The following KCNAB1 variants were observed in gnomAD, a reference collection of about 807,000 sequenced individuals.
The protein encoded by KCNAB1 is voltage-gated potassium channel subunit beta-1.
A neutral mutation model predicts 64.6 loss-of-function variants in KCNAB1; 35 were observed. The observed-to-expected ratio is 0.54, with a 90% CI of 0.41 to 0.72. The LOEUF (loss-of-function observed/expected upper bound fraction) is 0.72, where lower values mean the gene tolerates loss of function less well. Among genes scored for constraint, KCNAB1 ranks in the 30% least tolerant of loss-of-function variants. The pLI, the probability that KCNAB1 is intolerant of heterozygous loss-of-function variation, is 0.00. For synonymous variants in KCNAB1, 177 were observed against 183.8 expected (o/e 0.96, Z 0.30); for missense variants, 401 against 512.9 (o/e 0.78, Z 2.11).
chr3:156,370,716 A>G (rs1282220753), intron 1 of KCNAB1, among the ~76,000 whole-genome samples: 2 of 152,330 alleles, frequency 1.3e-5, no homozygotes, highest in Middle Eastern at 3.4e-3. Flanking sequence ...GTTGTGCCGA[A>G]CTTCTGTTAA....
chr3:156,528,061 C>T (rs1307366002), intron 12 of KCNAB1, among the ~76,000 whole-genome samples: 2 of 152,032 alleles, frequency 1.3e-5, no homozygotes, highest in Non-Finnish European at 1.5e-5. Flanking sequence ...CTGTTGGTGA[C>T]CTCGAGTAGT....
intron 1 of KCNAB1, among the ~76,000 whole-genome samples, chr3:156,300,205 A>G (rs1721058923): frequency 6.6e-6 from 1 of 151,134 alleles, no homozygotes; most frequent in Non-Finnish European, 1.5e-5. Flanking sequence ...CATCCAAGGT[A>G]AAAAAAAATA....
At chr3:156,354,069 G>T (rs1394594262) in intron 1 of KCNAB1, among the ~76,000 whole-genome samples, 1 of 146,178 alleles carries the variant, frequency 6.8e-6, no homozygotes, top group Non-Finnish European at 1.5e-5. Context: ...GTGTGTGTGT[G>T]TGTGTATATA....
At chr3:156,298,670 C>T (rs1242177695) in intron 1 of KCNAB1, among the ~76,000 whole-genome samples, 2 of 152,122 alleles carry the variant, frequency 1.3e-5, no homozygotes, top group East Asian at 1.9e-4. Context: ...ATATAGGACT[C>T]TTAATTTATT....
intron 1 of KCNAB1, among the ~76,000 whole-genome samples, chr3:156,127,169 G>A (rs527376184): frequency 6.6e-6 from 1 of 152,322 alleles, no homozygotes; most frequent in East Asian, 1.9e-4. Flanking sequence ...ATAGTGGACA[G>A]CATCAGTAAG....
intron 1 of KCNAB1, chr3:156,176,803 G>T: frequency 1.1e-6 from 1 of 878,290 alleles, no homozygotes; most frequent in Non-Finnish European, 1.9e-6. Flanking sequence ...GCCTGCTGCT[G>T]CCCGGCTCCA....
At chr3:156,170,217 A>T (rs910490317) in intron 1 of KCNAB1, among the ~76,000 whole-genome samples, 1 of 150,994 alleles carries the variant, frequency 6.6e-6, no homozygotes. Flanking sequence ...CTTCCCAAGG[A>T]ATCGTTTTTT....
intron 1 of KCNAB1, among the ~76,000 whole-genome samples, chr3:156,250,972 TAA>T (rs1270278880): frequency 6.6e-6 from 1 of 152,244 alleles, no homozygotes; most frequent in Non-Finnish European, 1.5e-5. Context: ...AGGATTTTCT[TAA>T]GTCAACTTTA....
At chr3:156,443,564 G>T (rs1275647942) in intron 2 of KCNAB1, among the ~76,000 whole-genome samples, 3 of 152,050 alleles carry the variant, frequency 2.0e-5, no homozygotes, top group Non-Finnish European at 2.9e-5. Context: ...GTTGTGATAG[G>T]GATTAGAGCT....
intron 1 of KCNAB1, among the ~76,000 whole-genome samples, chr3:156,255,666 ATCTG>A (rs746244556): frequency 2.6e-5 from 4 of 151,968 alleles, no homozygotes; most frequent in Non-Finnish European, 5.9e-5. Flanking sequence ...TCCTTGTTTT[ATCTG>A]TCTAACAATG....
intron 8 of KCNAB1, among the ~76,000 whole-genome samples, chr3:156,477,870 T>C (rs1453371064): frequency 1.3e-5 from 2 of 152,140 alleles, no homozygotes; most frequent in African/African-American, 4.8e-5. Flanking sequence ...GGTGCCTGTG[T>C]TAGTTCTGGA....
intron 7 of KCNAB1, among the ~76,000 whole-genome samples, chr3:156,468,849 T>TC (rs1262639056): frequency 3.9e-5 from 6 of 152,182 alleles, no homozygotes; most frequent in Non-Finnish European, 8.8e-5. Context: ...GGCCTTAGTG[T>TC]CCCATTTGAC....
At chr3:156,132,468 A>G (rs934650352) in intron 1 of KCNAB1, among the ~76,000 whole-genome samples, 1 of 152,148 alleles carries the variant, frequency 6.6e-6, no homozygotes, top group Non-Finnish European at 1.5e-5. Flanking sequence ...TTACGGCTGG[A>G]TGAGGCTCTT....
chr3:156,333,941 G>T (rs751558619), intron 1 of KCNAB1, among the ~76,000 whole-genome samples: 1 of 131,086 alleles, frequency 7.6e-6, no homozygotes, highest in Admixed American at 7.1e-5. Flanking sequence ...ATGTGTTTGC[G>T]CTCTTTATAA....
intron 1 of KCNAB1, among the ~76,000 whole-genome samples, chr3:156,200,324 T>C (rs1453754315): frequency 3.9e-5 from 6 of 152,226 alleles, no homozygotes; most frequent in Admixed American, 3.9e-4. Context: ...GATGAGGCAG[T>C]CTGTGCCTTA....
chr3:156,418,539 A>G (rs1169664248), intron 1 of KCNAB1, among the ~76,000 whole-genome samples: 2 of 152,226 alleles, frequency 1.3e-5, no homozygotes, highest in African/African-American at 4.8e-5. Context: ...ACATGGATAG[A>G]GACAGGAGGA....
At chr3:156,429,674 C>T (rs1190805557) in intron 2 of KCNAB1, among the ~76,000 whole-genome samples, 1 of 152,160 alleles carries the variant, frequency 6.6e-6, no homozygotes, top group Non-Finnish European at 1.5e-5. Context: ...TTTTATGACA[C>T]CCTTCATGAT....
chr3:156,311,725 GAGA>G (rs943564756), intron 1 of KCNAB1, among the ~76,000 whole-genome samples: 1 of 152,208 alleles, frequency 6.6e-6, no homozygotes, highest in Non-Finnish European at 1.5e-5. Flanking sequence ...GTGTGAGAGA[GAGA>G]AGAAGCAAAG....
chr3:156,182,494 TGCC>T (rs1212022330), intron 1 of KCNAB1, among the ~76,000 whole-genome samples: 5 of 152,132 alleles, frequency 3.3e-5, no homozygotes, highest in Non-Finnish European at 7.3e-5. Flanking sequence ...CCTAAGTTTA[TGCC>T]ACTCATCTCT....
Sources: gnomAD v4.1 joint callset for allele counts (sites outside exome capture counted in the v4.1 genomes callset) on GRCh38, gnomAD v4.1.1 for gene constraint, MANE v1.5 for transcripts, NCBI Gene and HGNC (gene_info 2026-07-23, HGNC 2026-07-21) for gene names.